BCL11B: variants seen among roughly 807,000 people sequenced by gnomAD.
BCL11B encodes the protein B-cell lymphoma/leukemia 11B.
BCL11B carries 8 observed loss-of-function variants against 49.9 expected under a neutral mutation model. The ratio of observed to expected loss-of-function variants is 0.16; its 90% CI spans 0.09 to 0.29. The LOEUF is 0.29. Ranked by LOEUF, BCL11B falls within the 10% of genes least tolerant of loss-of-function variation. BCL11B has a pLI of 1.00. For synonymous variants in BCL11B, 739 were observed against 637.4 expected (o/e 1.16, Z -2.40); for missense variants, 1,006 against 1,351.0 (o/e 0.74, Z 4.00).
intron 3 of BCL11B, among the ~76,000 whole-genome samples, chr14:99,204,644 G>A (rs550892581): frequency 6.6e-6 from 1 of 152,152 alleles, no homozygotes; most frequent in Non-Finnish European, 1.5e-5. Context: ...CCAGGGGCCA[G>A]GCCAGTGCTG....
intron 3 of BCL11B, among the ~76,000 whole-genome samples, chr14:99,177,509 G>A (rs1229107747): frequency 6.6e-6 from 1 of 150,686 alleles, no homozygotes; most frequent in African/African-American, 2.4e-5. Flanking sequence ...AAAAGAGACG[G>A]TGCAGACAGG....
At position 99,175,381 on chromosome 14, in the gene BCL11B, G is replaced by A. The variant is rs974969808; in HGVS notation, c.1455C>T (p.Ala485=). The change falls in exon 4 of 4, where the codon GCC becomes GCT. Residue 485 remains alanine (A), a synonymous_variant. Coordinates refer to ENST00000357195, the MANE Select transcript of BCL11B (RefSeq NM_138576.4). ...CCGAGAGCCCGTCGTCGGAGCGGCC[G>A]GCCAGCGAGCCGGCCTTGTGCATGT... is the stretch of plus-strand genomic sequence containing the variant. ...KTHMHKAGSL[A]GRSDDGLSAA... The A allele has an allele frequency of 1.1e-5, 17 of 1,592,290 alleles. No homozygotes were observed. In the African/African-American group the frequency reaches 1.5e-4, roughly 14 times the overall value.
intron 3 of BCL11B, among the ~76,000 whole-genome samples, chr14:99,229,117 T>TG (rs1381116145): frequency 1.5e-4 from 19 of 123,828 alleles, no homozygotes; most frequent in African/African-American, 5.3e-4. Flanking sequence ...GATACAGGGA[T>TG]GAATGGATGG....
At chr14:99,256,694 G>A (rs1010508623) in intron 2 of BCL11B, among the ~76,000 whole-genome samples, 3 of 152,214 alleles carry the variant, frequency 2.0e-5, no homozygotes, top group Non-Finnish European at 2.9e-5. Flanking sequence ...TCACTGTGGT[G>A]AGCAGACCCA....
intron 3 of BCL11B, among the ~76,000 whole-genome samples, chr14:99,209,049 G>A (rs778780873): frequency 3.3e-5 from 5 of 152,154 alleles, no homozygotes; most frequent in African/African-American, 2.4e-5. Flanking sequence ...GTGGGGAAGA[G>A]CTTTACTAAA....
chr14:99,170,036 C>A lies in BCL11B; in HGVS notation c.*4115G>T, dbSNP rs1886237898. The A allele has an allele frequency of 4.4e-6, 1 of 227,724 alleles. No individual in the cohort carries two copies. Among genetic ancestry groups the A allele is most frequent in the South Asian group, 1.8e-4 (1 of 5,486 alleles). 14.1% of individuals were successfully genotyped at this position (227,724 alleles called of 1,614,324 possible). A position where few individuals can be genotyped will look rare whatever the true frequency, so the allele number is the denominator to read the frequency against. ...AAACAGAAGCAAAATTCTCTCTTCTCTGCAGTCACAGAGACACACAATGCT... is the reference window on the plus strand; with the variant it reads ...AAACAGAAGCAAAATTCTCTCTTCTATGCAGTCACAGAGACACACAATGCT... On this transcript the variant is annotated 3_prime_UTR_variant, in exon 4 of 4. Transcript: ENST00000357195.
chr14:99,268,867 GCTC>G (rs1452527373), intron 1 of BCL11B, among the ~76,000 whole-genome samples: 2 of 151,980 alleles, frequency 1.3e-5, no homozygotes, highest in African/African-American at 4.8e-5. Context: ...CCCTGCCACT[GCTC>G]CAGTGTCAGC....
At chr14:99,208,654 C>T (rs1654929132) in intron 3 of BCL11B, among the ~76,000 whole-genome samples, 1 of 152,242 alleles carries the variant, frequency 6.6e-6, no homozygotes, top group Non-Finnish European at 1.5e-5. Context: ...AACACTGCCT[C>T]CCTCCTGTCC....
chr14:99,222,861 C>CTTTT (rs1888051078), intron 3 of BCL11B, among the ~76,000 whole-genome samples: 1 of 151,600 alleles, frequency 6.6e-6, no homozygotes, highest in Non-Finnish European at 1.5e-5. Context: ...TTCTTTCTTT[C>CTTTT]CTTCTTTCCT....
At chr14:99,200,207 G>T (rs1032779073) in intron 3 of BCL11B, among the ~76,000 whole-genome samples, 5 of 152,156 alleles carry the variant, frequency 3.3e-5, no homozygotes, top group Admixed American at 3.3e-4. Flanking sequence ...GATGCTGCAG[G>T]GGTCCGCAGC....
chr14:99,263,728 G>A (rs1401683018), intron 1 of BCL11B, among the ~76,000 whole-genome samples: 4 of 151,778 alleles, frequency 2.6e-5, no homozygotes, highest in African/African-American at 9.7e-5. Flanking sequence ...CCCAAAAACT[G>A]AGCCCAGGAG....
At chr14:99,229,804 G>A (rs1445176252) in intron 3 of BCL11B, among the ~76,000 whole-genome samples, 1 of 152,078 alleles carries the variant, frequency 6.6e-6, no homozygotes, top group Non-Finnish European at 1.5e-5. Flanking sequence ...CGAGGCTGCA[G>A]CGCTAATGAC....
chr14:99,195,295 C>T lies in BCL11B; in HGVS notation c.641-19100G>A, dbSNP rs754304096. Among the ~76,000 whole-genome samples, 1 of 152,146 alleles carries T rather than the reference C, an allele frequency of 6.6e-6. No individual in the cohort carries two copies. Among genetic ancestry groups the T allele is most frequent in the Non-Finnish European group, 1.5e-5 (1 of 68,028 alleles). On this transcript the variant is annotated intron_variant, in intron 3 of 3. Transcript: ENST00000357195. The surrounding 1 kb of genome is among the most constrained non-coding windows in gnomAD (Gnocchi z 4.7). Reference sequence around the variant, plus strand: ...CAGTGGTCCACTCTGACCCAGGGCTCCTCTGGAAGAAAAGGAAGAGAAGCT... The same window carrying T: ...CAGTGGTCCACTCTGACCCAGGGCTTCTCTGGAAGAAAAGGAAGAGAAGCT...
chr14:99,231,186 T>C lies in BCL11B; in HGVS notation c.640+159A>G, dbSNP rs1308485745. Among the ~76,000 whole-genome samples the C allele has an allele frequency of 6.6e-6, 1 of 152,060 alleles. No individual in the cohort carries two copies. Among genetic ancestry groups the C allele is most frequent in the Non-Finnish European group, 1.5e-5 (1 of 68,018 alleles). ...CCGAGGGGCACCGGGCCCTGGCTCA[T>C]AGTTCAGCGAACATTCTTTACCACT... On this transcript the variant is annotated intron_variant, in intron 3 of 3. Transcript: ENST00000357195. The surrounding 1 kb of genome is among the most constrained non-coding windows in gnomAD (Gnocchi z 8.1).
At chr14:99,201,521 C>T (rs770849291) in intron 3 of BCL11B, among the ~76,000 whole-genome samples, 16 of 152,152 alleles carry the variant, frequency 1.1e-4, no homozygotes, top group Admixed American at 5.9e-4. Flanking sequence ...AAGCCCCCAC[C>T]TCCCATGACA....
Position 99,173,979 on chromosome 14 carries a change from T to C in BCL11B, c.*172A>G. Reference sequence around the variant, plus strand: ...CAATTTGTACTGCCTTAATCAACCCTCGGGTTTCCATAGGACTTCGCAGAC... The same window carrying C: ...CAATTTGTACTGCCTTAATCAACCCCCGGGTTTCCATAGGACTTCGCAGAC... On this transcript the variant is annotated 3_prime_UTR_variant, in exon 4 of 4. Coordinates refer to ENST00000357195, the MANE Select transcript of BCL11B (RefSeq NM_138576.4). The C allele has an allele frequency of 1.6e-6, 1 of 625,766 alleles. No individual in the cohort carries two copies. Among genetic ancestry groups the C allele is most frequent in the Non-Finnish European group, 2.8e-6 (1 of 359,416 alleles). The allele number at this position is 625,766 out of a possible 1,614,324, so 38.8% of individuals were successfully genotyped here. A position where few individuals can be genotyped will look rare whatever the true frequency, so the allele number is the denominator to read the frequency against.
chr14:99,174,386 C>T lies in BCL11B; in HGVS notation c.2450G>A (p.Ser817Asn). 1 of 1,613,536 alleles carries T rather than the reference C, an allele frequency of 6.2e-7. No homozygotes were observed. Reference protein sequence around the residue: ...NCSNLTVHRRSHTGERPYKCE... With the variant: ...NCSNLTVHRRNHTGERPYKCE... The stretch of plus-strand genomic sequence containing the variant: ...CTTGTAAGGCCGCTCGCCGGTGTGG[C>T]TCCGCCGGTGCACCGTCAAGTTGCT... The change falls in exon 4 of 4, where the codon AGC (serine) becomes AAC (asparagine). Residue 817 changes from serine to asparagine, a missense_variant. Ser to Asn is a conservative substitution (Grantham distance 46, BLOSUM62 1). This residue lies in a region of BCL11B where 24 missense variants were observed against 128.4 expected (regional missense o/e 0.19). Coordinates refer to ENST00000357195, the MANE Select transcript of BCL11B (RefSeq NM_138576.4).
At position 99,247,898 on chromosome 14, in the gene BCL11B, G is replaced by T. The variant is rs537852111; in HGVS notation, c.427+9573C>A. On this transcript the variant is annotated intron_variant, in intron 2 of 3. Transcript: ENST00000357195. The surrounding 1 kb of genome is among the most constrained non-coding windows in gnomAD (Gnocchi z 4.5). The stretch of plus-strand genomic sequence containing the variant: ...CACTCAGCCCCCAGGGCAGGGGATG[G>T]GGGGAAAACAGCCCTGATCAAACAT... 6.6e-6 allele frequency among the ~76,000 whole-genome samples: 1 copy of T among 152,290 alleles called. No homozygotes were observed. The highest frequency in any genetic ancestry group is 2.4e-5 in the African/African-American group (1 of 41,556).
chr14:99,271,009 C>T, intron 1 of BCL11B, 152 bp downstream of exon 1: 8 of 777,838 alleles, frequency 1.0e-5, no homozygotes, highest in Non-Finnish European at 1.5e-5. Context: ...CCCCCGCCCC[C>T]CGCCATGCTC....
Sources: gnomAD v4.1 joint callset for allele counts (sites outside exome capture counted in the v4.1 genomes callset) on GRCh38, gnomAD v4.1.1 for gene constraint, gnomAD v4.1.1 regional missense constraint, Gnocchi (gnomAD v3.1) non-coding constraint, MANE v1.5 for transcripts, NCBI Gene and HGNC (gene_info 2026-07-23, HGNC 2026-07-21) for gene names.